The following LRRC4C variants were observed in gnomAD, a reference collection of about 807,000 sequenced individuals.
The protein encoded by LRRC4C is leucine rich repeat containing 4C.
LRRC4C carries 5 observed loss-of-function variants against 33.6 expected under a neutral mutation model. That is an observed-to-expected ratio of 0.15 (90% CI 0.08 to 0.31). LRRC4C has a LOEUF of 0.31. Among genes scored for constraint, LRRC4C ranks in the 10% least tolerant of loss-of-function variants. LRRC4C has a pLI of 1.00. For synonymous variants in LRRC4C, 329 were observed against 302.0 expected, an observed-to-expected ratio of 1.09 and a Z score of -0.93; for missense variants, 560 against 796.7, an observed-to-expected ratio of 0.70 and a Z score of 3.58.
intron 3 of LRRC4C, among the ~76,000 whole-genome samples, chr11:40,535,372 C>T (rs914153750): frequency 1.3e-5 from 2 of 152,122 alleles, no homozygotes; most frequent in Non-Finnish European, 2.9e-5. Context: ...GACACATCAG[C>T]TCTAGTGACT....
At chr11:41,403,355 C>A (rs1341913832) in intron 1 of LRRC4C, among the ~76,000 whole-genome samples, 1 of 151,948 alleles carries the variant, frequency 6.6e-6, no homozygotes, top group Non-Finnish European at 1.5e-5. Context: ...AAGGTAGAAA[C>A]AGAAAAACCA....
intron 3 of LRRC4C, among the ~76,000 whole-genome samples, chr11:40,419,743 G>T (rs1950455406): frequency 6.6e-6 from 1 of 152,124 alleles, no homozygotes; most frequent in Non-Finnish European, 1.5e-5. Context: ...AAATTGATAG[G>T]CTCCACCAAA....
rs147995203 is a variant in LRRC4C, at chr11:40,810,132, T to G, written c.-407+123503A>C. Among the ~76,000 whole-genome samples the G allele has an allele frequency of 4.1e-3, 632 of 152,302 alleles. 2 individuals are homozygous for G. The highest frequency in any genetic ancestry group is 0.014 in the African/African-American group (565 of 41,568). ...TGTATGGATTTCCAACTCAACCAGT[T>G]TACTCAAATCACTATTGTTCAGGTT... On this transcript the variant is annotated intron_variant, in intron 2 of 6. Transcript: ENST00000528697.
chr11:40,413,865 T>C (rs955845258), intron 3 of LRRC4C, among the ~76,000 whole-genome samples: 1 of 152,088 alleles, frequency 6.6e-6, no homozygotes, highest in Admixed American at 6.6e-5. Flanking sequence ...TTTGAATCAA[T>C]AGTAAATCAT....
intron 5 of LRRC4C, among the ~76,000 whole-genome samples, chr11:40,141,212 A>G (rs1857343061): frequency 6.6e-6 from 1 of 152,104 alleles, no homozygotes; most frequent in South Asian, 2.1e-4. Flanking sequence ...GATGGATAGG[A>G]AAGGGTTAAA....
chr11:40,172,238 C>T (rs191381945), intron 5 of LRRC4C, among the ~76,000 whole-genome samples: 1 of 152,194 alleles, frequency 6.6e-6, no homozygotes, highest in East Asian at 1.9e-4. Context: ...TATAAATCAC[C>T]CAGTCTTAGG....
In LRRC4C at chr11:40,209,522, A is replaced by G. The variant is rs146562017; in HGVS notation, c.-96+31997T>C. Among the ~76,000 whole-genome samples the G allele has an allele frequency of 6.6e-5, 10 of 152,220 alleles. No homozygotes were observed. The East Asian group carries it at 1.2e-3, about 18-fold the overall frequency. On this transcript the variant is annotated intron_variant, in intron 5 of 6. Coordinates refer to ENST00000528697, the MANE Select transcript of LRRC4C (RefSeq NM_001258419.2). ...AAACATTAGCCTCTTTTTTGATGGG[A>G]CGTTTGATCATCTAACAAAAATATA...
chr11:40,546,012 G>T (rs933727815), intron 3 of LRRC4C, among the ~76,000 whole-genome samples: 1 of 151,902 alleles, frequency 6.6e-6, no homozygotes, highest in African/African-American at 2.4e-5. Flanking sequence ...AAATGTGATG[G>T]CAAATATATA....
intron 1 of LRRC4C, among the ~76,000 whole-genome samples, chr11:41,430,482 C>T (rs565567662): frequency 1.2e-3 from 184 of 152,176 alleles, no homozygotes; most frequent in Middle Eastern, 6.8e-3. Context: ...TATACTTGCC[C>T]TCAGGAAATG....
At chr11:40,618,152 C>CTT (rs1457048586) in intron 3 of LRRC4C, among the ~76,000 whole-genome samples, 1 of 151,576 alleles carries the variant, frequency 6.6e-6, no homozygotes, top group Non-Finnish European at 1.5e-5. Flanking sequence ...GAAATAGGGA[C>CTT]TTTGAAGATG....
chr11:41,402,747 A>T (rs1314130093), intron 1 of LRRC4C, among the ~76,000 whole-genome samples: 1 of 152,024 alleles, frequency 6.6e-6, no homozygotes, highest in Non-Finnish European at 1.5e-5. Flanking sequence ...ACCAAGAAAC[A>T]GGGCTCAAGA....
At chr11:40,246,202 G>A (rs1866324248) in intron 4 of LRRC4C, among the ~76,000 whole-genome samples, 2 of 152,044 alleles carry the variant, frequency 1.3e-5, no homozygotes. Flanking sequence ...TTGAACTCCT[G>A]AAATCAGGTG....
intron 1 of LRRC4C, among the ~76,000 whole-genome samples, chr11:41,409,514 T>C (rs1198141936): frequency 6.6e-6 from 1 of 152,170 alleles, no homozygotes. Flanking sequence ...ATTATGAGAA[T>C]TTACTATTGG....
At chr11:40,968,642 T>C (rs1851514525) in intron 1 of LRRC4C, among the ~76,000 whole-genome samples, 1 of 152,164 alleles carries the variant, frequency 6.6e-6, no homozygotes, top group South Asian at 2.1e-4. Flanking sequence ...TTACAAATTA[T>C]GTTAAAACTA....
chr11:40,971,211 C>T (rs184180238), intron 1 of LRRC4C, among the ~76,000 whole-genome samples: 7 of 152,284 alleles, frequency 4.6e-5, no homozygotes, highest in Non-Finnish European at 7.4e-5. Context: ...CAGAGAACTT[C>T]GCAGCCCCTT....
At chr11:40,385,493 T>C (rs1438967710) in intron 3 of LRRC4C, among the ~76,000 whole-genome samples, 1 of 151,960 alleles carries the variant, frequency 6.6e-6, no homozygotes, top group Non-Finnish European at 1.5e-5. Context: ...AAACATTGCG[T>C]ACACATGGAA....
chr11:40,654,022 G>A (rs1942962260), intron 2 of LRRC4C, among the ~76,000 whole-genome samples: 1 of 152,176 alleles, frequency 6.6e-6, no homozygotes, highest in Admixed American at 6.5e-5. Context: ...TTGATCCTGA[G>A]GGTGCACAGA....
chr11:41,323,269 T>C (rs1318666546), intron 1 of LRRC4C, among the ~76,000 whole-genome samples: 1 of 152,152 alleles, frequency 6.6e-6, no homozygotes, highest in Non-Finnish European at 1.5e-5. Flanking sequence ...GTATCCCTCT[T>C]AGTTACCTAC....
chr11:40,321,893 A>G (rs1945865246), intron 3 of LRRC4C, among the ~76,000 whole-genome samples: 1 of 152,196 alleles, frequency 6.6e-6, no homozygotes, highest in Admixed American at 6.5e-5. Flanking sequence ...AGTTTCAAAT[A>G]AATTTGTTTA....
Sources: allele counts gnomAD v4.1 joint callset (sites outside exome capture counted in the v4.1 genomes callset), GRCh38; gene constraint gnomAD v4.1.1; transcripts MANE v1.5; gene names NCBI Gene and HGNC (gene_info 2026-07-23, HGNC 2026-07-21).